PCDHGA1: variants seen among roughly 807,000 people sequenced by gnomAD.
PCDHGA1 encodes protocadherin gamma subfamily A, 1.
In PCDHGA1, 32 loss-of-function variants were observed where a neutral mutation model predicts 58.0. That is an observed-to-expected ratio of 0.55 (90% CI 0.42 to 0.74). The LOEUF (loss-of-function observed/expected upper bound fraction) is 0.74, where lower values mean the gene tolerates loss of function less well. Ranked by LOEUF, PCDHGA1 falls within the 30% of genes least tolerant of loss-of-function variation. The pLI, the probability that PCDHGA1 is intolerant of heterozygous loss-of-function variation, is 0.00. For synonymous variants in PCDHGA1, 498 were observed against 501.1 expected (o/e 0.99, Z 0.08); for missense variants, 1,205 against 1,182.3 (o/e 1.02, Z -0.28).
chr5:141,388,170 T>A (rs756859307), intron 1 of PCDHGA1: 1 of 1,495,754 alleles, frequency 6.7e-7, no homozygotes, highest in East Asian at 2.3e-5. Context: ...GGAGGAGATA[T>A]GCGGGAAGAA....
chr5:141,391,929 T>C (rs1035871197), intron 1 of PCDHGA1: 1 of 152,214 alleles, frequency 6.6e-6, no homozygotes, highest in African/African-American at 2.4e-5. Flanking sequence ...ATCTGTACCT[T>C]TCAAGTATTC....
At chr5:141,355,073 G>T in intron 1 of PCDHGA1, 1 of 1,374,922 alleles carries the variant, frequency 7.3e-7, no homozygotes, top group East Asian at 2.4e-5. Flanking sequence ...CTTTATGAAA[G>T]CTTCAAGCGG....
intron 1 of PCDHGA1, chr5:141,357,433 G>A (rs747311538): frequency 1.9e-6 from 3 of 1,614,090 alleles, no homozygotes; most frequent in Non-Finnish European, 2.5e-6. Flanking sequence ...GGGCGTGGAC[G>A]GGGTTCGGGC....
chr5:141,476,184 T>C lies in PCDHGA1; in HGVS notation c.2422-18623T>C, dbSNP rs1038598087. ...AGGGTAGTGGGAGTTTTGCTTCTGC[T>C]TGGTGCCTTGAACAAGGCTTCCACG... On this transcript the variant is annotated intron_variant, in intron 1 of 3. Coordinates refer to ENST00000517417, the MANE Select transcript of PCDHGA1 (RefSeq NM_018912.3). The surrounding 1 kb of genome is among the most constrained non-coding windows in gnomAD (Gnocchi z 7.6). 1 of 1,613,708 alleles carries C rather than the reference T, an allele frequency of 6.2e-7. No homozygotes were observed. Among genetic ancestry groups the C allele is most frequent in the Non-Finnish European group, 8.5e-7 (1 of 1,179,992 alleles).
rs1476740920 is a variant in PCDHGA1, at chr5:141,443,326, A to AC, written c.2422-51481_2422-51480insC. Among the ~76,000 whole-genome samples the AC allele has an allele frequency of 3.3e-5, 5 of 151,792 alleles. No homozygotes were observed. The South Asian group carries it at 8.3e-4, about 25-fold the overall frequency. ...CAAAAACCCATCTCTACAAAAAAAA[A>AC]AAACAAAAATTAACAAGGTTTAGTG... On this transcript the variant is annotated intron_variant, in intron 1 of 3. Transcript: ENST00000517417.
In PCDHGA1 at chr5:141,371,429, G is replaced by A. The variant is rs766625096; in HGVS notation, c.2421+38324G>A. 6.2e-6 allele frequency: 10 copies of A among 1,613,916 alleles called. No homozygotes were observed. In the East Asian group the frequency reaches 1.6e-4, roughly 25 times the overall value. On this transcript the variant is annotated intron_variant, in intron 1 of 3. Transcript: ENST00000517417. ...TTTCAGATGAAAATGACAATGCCCC[G>A]GAGATAACCCTGGCTTCTGAATCCC...
intron 1 of PCDHGA1, chr5:141,424,728 G>A (rs907091181): frequency 1.3e-5 from 2 of 152,102 alleles, no homozygotes; most frequent in African/African-American, 2.4e-5. Flanking sequence ...GGGAGTCATA[G>A]ATTCCTTCTT....
At chr5:141,418,568 G>A (rs769914679) in intron 1 of PCDHGA1, 62 of 1,613,902 alleles carry the variant, frequency 3.8e-5, no homozygotes, top group Non-Finnish European at 5.2e-5. Context: ...AGATGCCAAT[G>A]ACAACCCCCC....
rs1279130952 is a variant in PCDHGA1, at chr5:141,331,718, C to T, written c.1034C>T (p.Pro345Leu). 1.2e-5 allele frequency: 19 copies of T among 1,613,940 alleles called. No homozygotes were observed. Among genetic ancestry groups the T allele is most frequent in the Admixed American group, 1.7e-5 (1 of 60,000 alleles). ...GTTTTGGATGTAAATGATAATGCCC[C>T]AGAAGTGACCATCACCTCTGTCACC... is the stretch of plus-strand genomic sequence containing the variant. Reference protein sequence around the residue: ...IKVLDVNDNAPEVTITSVTTA... With the variant: ...IKVLDVNDNALEVTITSVTTA... Residue 345 changes from proline (P) to leucine (L), a missense_variant, in exon 1 of 4, where the codon CCA becomes CTA. Physicochemically the swap from Pro to Leu is moderately conservative, Grantham distance 98. Transcript: ENST00000517417.
chr5:141,340,009 A>G, intron 1 of PCDHGA1: 1 of 1,614,158 alleles, frequency 6.2e-7, no homozygotes, highest in Non-Finnish European at 8.5e-7. Context: ...ATGCCCCAGA[A>G]TTTTACATGA....
Position 141,477,918 on chromosome 5 carries a change from G to A in PCDHGA1, c.2422-16889G>A. 1 of 1,614,154 alleles carries A rather than the reference G, an allele frequency of 6.2e-7. No individual in the cohort carries two copies. Among genetic ancestry groups the A allele is most frequent in the Admixed American group, 1.7e-5 (1 of 60,026 alleles). ...GTGGTAGGCTGGGACGCGGATGCAG[G>A]GCACAATGCCTGGCTCTCCTACAGT... is the stretch of plus-strand genomic sequence containing the variant. On this transcript the variant is annotated intron_variant, in intron 1 of 3. Coordinates refer to ENST00000517417, the MANE Select transcript of PCDHGA1 (RefSeq NM_018912.3). The surrounding 1 kb of genome is among the most constrained non-coding windows in gnomAD (Gnocchi z 4.9).
At chr5:141,495,480 C>A (rs2099761689) in intron 2 of PCDHGA1, among the ~76,000 whole-genome samples, 1 of 152,208 alleles carries the variant, frequency 6.6e-6, no homozygotes, top group African/African-American at 2.4e-5. Flanking sequence ...CGTGTCTCTG[C>A]CCCTTTTTCT....
chr5:141,503,024 A>G (rs574653661), intron 2 of PCDHGA1, among the ~76,000 whole-genome samples: 2 of 150,210 alleles, frequency 1.3e-5, no homozygotes, highest in South Asian at 2.1e-4. Context: ...TTTTTTTTTA[A>G]TATCTATTTT....
At chr5:141,427,461 G>A (rs1397917549) in intron 1 of PCDHGA1, 1 of 497,998 alleles carries the variant, frequency 2.0e-6, no homozygotes, top group Admixed American at 2.3e-5. Context: ...TTTTAGAATC[G>A]AATCTTCCGC....
chr5:141,339,175 C>T, intron 1 of PCDHGA1: 4 of 1,614,122 alleles, frequency 2.5e-6, no homozygotes, highest in Non-Finnish European at 3.4e-6. Flanking sequence ...GCATCGTCTC[C>T]AGAGGTAGGT....
At chr5:141,385,670 C>A in intron 1 of PCDHGA1, 1 of 420,128 alleles carries the variant, frequency 2.4e-6, no homozygotes, top group Non-Finnish European at 3.4e-6. Flanking sequence ...GAATAAAACA[C>A]ACCTCAGCTG....
chr5:141,333,210 T>C (rs1588439977), intron 1 of PCDHGA1, 105 bp downstream of exon 1: 2 of 1,515,514 alleles, frequency 1.3e-6, no homozygotes, highest in Non-Finnish European at 1.8e-6. Context: ...AACCCATGTA[T>C]CTTTGTAGCT....
chr5:141,360,688 A>T, intron 1 of PCDHGA1: 1 of 1,613,902 alleles, frequency 6.2e-7, no homozygotes, highest in Non-Finnish European at 8.5e-7. Context: ...TGAGAAACAG[A>T]CTCCAGATGG....
Position 141,476,024 on chromosome 5 carries a change from C to T in PCDHGA1, c.2422-18783C>T. ...ATCCAGAAAGCCATGTCGGACTCGG[C>T]GCCCAGCGCCCAAGCGCTAACCCGC... On this transcript the variant is annotated intron_variant, in intron 1 of 3. Coordinates refer to ENST00000517417, the MANE Select transcript of PCDHGA1 (RefSeq NM_018912.3). The surrounding 1 kb of genome is among the most constrained non-coding windows in gnomAD (Gnocchi z 7.6). The T allele has an allele frequency of 1.4e-6, 2 of 1,416,548 alleles. No individual in the cohort carries two copies. Among genetic ancestry groups the T allele is most frequent in the Non-Finnish European group, 9.5e-7 (1 of 1,058,066 alleles). 87.7% of individuals were successfully genotyped at this position (1,416,548 alleles called of 1,614,324 possible).
Sources: allele counts gnomAD v4.1 joint callset (sites outside exome capture counted in the v4.1 genomes callset), GRCh38; gene constraint gnomAD v4.1.1; non-coding constraint Gnocchi (gnomAD v3.1); transcripts MANE v1.5; gene names NCBI Gene and HGNC (gene_info 2026-07-23, HGNC 2026-07-21).